The following ANXA4 variants were observed in gnomAD, a reference collection of about 807,000 sequenced individuals.
ANXA4 encodes 35-beta calcimedin.
A neutral mutation model predicts 49.8 loss-of-function variants in ANXA4; 39 were observed. The ratio of observed to expected loss-of-function variants is 0.78; its 90% CI spans 0.61 to 1.02. ANXA4 has a LOEUF of 1.02. Among genes scored for constraint, ANXA4 ranks in the 50% least tolerant of loss-of-function variants. The pLI is 0.00. For synonymous variants in ANXA4, 134 were observed against 152.5 expected (o/e 0.88, Z 0.89); for missense variants, 360 against 410.1 (o/e 0.88, Z 1.05).
At chr2:69,817,047 G>C (rs1674024119) in intron 9 of ANXA4, 1 of 152,176 alleles carries the variant, frequency 6.6e-6, no homozygotes, top group Non-Finnish European at 1.5e-5. Context: ...AATATCCCGG[G>C]CTACCATCAG....
At chr2:69,667,688 A>G (rs1160186331) in intron 2 of ANXA4, among the ~76,000 whole-genome samples, 1 of 151,980 alleles carries the variant, frequency 6.6e-6, no homozygotes, top group Non-Finnish European at 1.5e-5. Context: ...TCTATTCTTT[A>G]TTATCAGTTA....
At chr2:69,802,262 G>C (rs1266806522) in intron 3 of ANXA4, among the ~76,000 whole-genome samples, 2 of 152,194 alleles carry the variant, frequency 1.3e-5, no homozygotes, top group South Asian at 2.1e-4. Flanking sequence ...ATACTAGTTA[G>C]CAGACATCTG....
chr2:69,765,942 A>G (rs1343216805), intron 1 of ANXA4, among the ~76,000 whole-genome samples: 1 of 152,210 alleles, frequency 6.6e-6, no homozygotes, highest in Non-Finnish European at 1.5e-5. Context: ...AGTTCAATTA[A>G]TCAGCAGGCA....
chr2:69,670,491 G>A (rs927991238), intron 2 of ANXA4, among the ~76,000 whole-genome samples: 1 of 151,212 alleles, frequency 6.6e-6, no homozygotes, highest in Non-Finnish European at 1.5e-5. Flanking sequence ...AATAGAGATG[G>A]CGACTGGTCC....
intron 2 of ANXA4, among the ~76,000 whole-genome samples, chr2:69,703,220 G>C (rs1330840875): frequency 6.7e-6 from 1 of 148,988 alleles, no homozygotes; most frequent in African/African-American, 2.4e-5. Context: ...GGACTCTTTC[G>C]CCTCTGGCTT....
chr2:69,808,888 C>G (rs1673571535), intron 6 of ANXA4: 1 of 152,132 alleles, frequency 6.6e-6, no homozygotes. Context: ...TCTCAAACTC[C>G]TGGGCCCAAG....
At chr2:69,744,789 A>G (rs965218042) in intron 1 of ANXA4, among the ~76,000 whole-genome samples, 1 of 152,224 alleles carries the variant, frequency 6.6e-6, no homozygotes, top group African/African-American at 2.4e-5. Context: ...CTGTTCTCTT[A>G]TCCTCTCTGC....
intron 3 of ANXA4, among the ~76,000 whole-genome samples, chr2:69,795,360 T>C (rs982485279): frequency 6.6e-6 from 1 of 152,196 alleles, no homozygotes; most frequent in Non-Finnish European, 1.5e-5. Context: ...ATCCTTTAAA[T>C]CTAGGACTAT....
intron 1 of ANXA4, among the ~76,000 whole-genome samples, chr2:69,749,681 T>C (rs1670758237): frequency 6.6e-6 from 1 of 152,004 alleles, no homozygotes; most frequent in African/African-American, 2.4e-5. Context: ...TCCCAGCACT[T>C]TGGGAGGCTG....
intron 2 of ANXA4, among the ~76,000 whole-genome samples, chr2:69,719,751 T>C (rs1669768403): frequency 6.6e-6 from 1 of 152,138 alleles, no homozygotes; most frequent in Admixed American, 6.5e-5. Context: ...AAATTATTTT[T>C]TGAATTATTA....
In ANXA4 at chr2:69,826,086, A is replaced by T. The variant is rs1674460076; in HGVS notation, c.*571A>T. ...TTTTTCATGGGAGACTTCCTTCATC[A>T]CATCTTATGTTGAAATCACTTTCTG... is the stretch of plus-strand genomic sequence containing the variant. On this transcript the variant is annotated 3_prime_UTR_variant, in exon 13 of 13. Coordinates refer to ENST00000394295, the MANE Select transcript of ANXA4 (RefSeq NM_001153.5). 1.3e-5 allele frequency: 2 copies of T among 152,640 alleles called. No individual in the cohort carries two copies. Among genetic ancestry groups the T allele is most frequent in the South Asian group, 2.1e-4 (1 of 4,832 alleles). The allele number at this position is 152,640 out of a possible 1,614,324, so 9.5% of individuals were successfully genotyped here. A position where few individuals can be genotyped will look rare whatever the true frequency, so the allele number is the denominator to read the frequency against.
chr2:69,787,975 A>C (rs1436593103), intron 2 of ANXA4, 79 bp from the exon 3 acceptor site: 4 of 1,263,414 alleles, frequency 3.2e-6, no homozygotes, highest in Non-Finnish European at 4.6e-6. Flanking sequence ...GTCAGTGCTC[A>C]ACAAATGTTT....
intron 3 of ANXA4, among the ~76,000 whole-genome samples, chr2:69,724,909 T>C (rs1444352968): frequency 6.6e-6 from 1 of 152,254 alleles, no homozygotes; most frequent in Non-Finnish European, 1.5e-5. Flanking sequence ...CCGCTGTCCG[T>C]GTGGAACGTT....
At chr2:69,825,326 T>C in intron 12 of ANXA4, 130 bp from the exon 13 acceptor site, 1 of 719,822 alleles carries the variant, frequency 1.4e-6, no homozygotes, top group East Asian at 2.8e-5. Flanking sequence ...ACCTTCGTAA[T>C]AAAAAATAAC....
At position 69,810,399 on chromosome 2, in the gene ANXA4, G is replaced by A. The variant is rs551786904; in HGVS notation, c.398-195G>A. 1.1e-3 allele frequency: 634 copies of A among 569,562 alleles called. 3 individuals carry two copies. Among genetic ancestry groups the A allele is most frequent in the South Asian group, 7.5e-3 (361 of 48,360 alleles). 35.3% of individuals were successfully genotyped at this position (569,562 alleles called of 1,614,324 possible). On this transcript the variant is annotated intron_variant, in intron 6 of 12. Transcript: ENST00000394295. ...GAAACAAAACAAAAACAGGAATATC[G>A]TGTGACAGGATAAGCTGATCTTGAC...
intron 3 of ANXA4, among the ~76,000 whole-genome samples, chr2:69,728,357 T>A (rs1670015449): frequency 6.6e-6 from 1 of 152,218 alleles, no homozygotes; most frequent in Non-Finnish European, 1.5e-5. Flanking sequence ...CTTAGTGTCT[T>A]GATGAGCAGA....
intron 1 of ANXA4, among the ~76,000 whole-genome samples, chr2:69,747,603 G>A (rs1280688405): frequency 6.6e-6 from 1 of 152,150 alleles, no homozygotes; most frequent in Non-Finnish European, 1.5e-5. Flanking sequence ...ATTTCAAGGA[G>A]TTTATAGACA....
chr2:69,704,568 C>G (rs1678430335), intron 2 of ANXA4, among the ~76,000 whole-genome samples: 2 of 152,186 alleles, frequency 1.3e-5, no homozygotes, highest in African/African-American at 4.8e-5. Flanking sequence ...GCTGGAGCAA[C>G]AGGGATGAAG....
At chr2:69,752,497 A>G (rs1363769351) in intron 1 of ANXA4, among the ~76,000 whole-genome samples, 1 of 152,192 alleles carries the variant, frequency 6.6e-6, no homozygotes, top group Admixed American at 6.5e-5. Flanking sequence ...CAGACCTCCA[A>G]TATTCATCTT....
Sources: allele counts gnomAD v4.1 joint callset (sites outside exome capture counted in the v4.1 genomes callset), GRCh38; gene constraint gnomAD v4.1.1; transcripts MANE v1.5; gene names NCBI Gene and HGNC (gene_info 2026-07-23, HGNC 2026-07-21).